The following ETS1 variants were observed in gnomAD, a reference collection of about 807,000 sequenced individuals.
ETS1 encodes ETS proto-oncogene 1, transcription factor.
Under a neutral mutation model 58.6 loss-of-function variants are expected in ETS1, and 15 were observed. The ratio of observed to expected loss-of-function variants is 0.26; its 90% confidence interval spans 0.17 to 0.39. The LOEUF is 0.39. Among genes scored for constraint, ETS1 ranks in the 10% least tolerant of loss-of-function variants. The pLI is 1.00. For synonymous variants in ETS1, 214 were observed against 218.2 expected (o/e 0.98, Z 0.17); for missense variants, 417 against 610.5 (o/e 0.68, Z 3.34).
intron 1 of ETS1, among the ~76,000 whole-genome samples, chr11:128,576,348 G>A (rs1864748467): frequency 6.6e-6 from 1 of 152,130 alleles, no homozygotes; most frequent in Non-Finnish European, 1.5e-5. Flanking sequence ...TTTTTTAGTA[G>A]CGTTTGTTTT....
intron 3 of ETS1, among the ~76,000 whole-genome samples, chr11:128,551,382 G>A (rs867029738): frequency 1.3e-5 from 2 of 152,166 alleles, no homozygotes; most frequent in Non-Finnish European, 2.9e-5. Context: ...GGCCATATGA[G>A]AAAGCCCCAG....
chr11:128,484,928 T>C lies in ETS1; in HGVS notation c.757A>G (p.Ile253Val). ...LKYENDYPSVILRDPLQTDTL... is the reference protein window; with the variant it reads ...LKYENDYPSVVLRDPLQTDTL... ...TCTGTCTGGAGAGGGTCTCGGAGAA[T>C]GACCGAGGGGTAGTCATTCTCATAC... The change falls in exon 7 of 10, where the codon ATT becomes GTT. Residue 253 changes from isoleucine to valine, a missense_variant. Around this residue, in one of 4 missense-constraint regions of ETS1, gnomAD observed 139 missense variants for 152.1 expected, o/e 0.91. Transcript: ENST00000392668. 6.2e-7 allele frequency: 1 copy of C among 1,614,092 alleles called. No homozygotes were observed. Among genetic ancestry groups the C allele is most frequent in the Non-Finnish European group, 8.5e-7 (1 of 1,179,996 alleles).
At chr11:128,508,275 G>A (rs992662701) in intron 3 of ETS1, among the ~76,000 whole-genome samples, 3 of 152,194 alleles carry the variant, frequency 2.0e-5, no homozygotes, top group Non-Finnish European at 2.9e-5. Context: ...TTGAGCTCCT[G>A]TGGCAATGAA....
intron 2 of ETS1, among the ~76,000 whole-genome samples, chr11:128,571,355 T>C (rs1320432626): frequency 6.6e-6 from 1 of 151,484 alleles, no homozygotes; most frequent in Non-Finnish European, 1.5e-5. Context: ...AGGCTGAGCT[T>C]GCAGGGAGCT....
intron 2 of ETS1, among the ~76,000 whole-genome samples, chr11:128,567,058 C>T (rs7117932): frequency 0.37 from 56,208 of 152,056 alleles, 11,129 homozygotes; most frequent in Non-Finnish European, 0.45. Flanking sequence ...AGAAAATGTA[C>T]AAAAGAGGAA....
At chr11:128,462,629 G>A in intron 9 of ETS1, 53 bp from the exon 10 acceptor site, 2 of 1,382,302 alleles carry the variant, frequency 1.4e-6, no homozygotes, top group South Asian at 1.2e-5. Flanking sequence ...CTACAAGACA[G>A]GCCAAATATA....
intron 3 of ETS1, among the ~76,000 whole-genome samples, chr11:128,518,493 G>A (rs1375788731): frequency 1.3e-5 from 2 of 152,216 alleles, no homozygotes; most frequent in East Asian, 3.8e-4. Flanking sequence ...CTATGAAGTA[G>A]AATGATTGTA....
At chr11:128,525,822 T>G (rs1471717010) in intron 3 of ETS1, among the ~76,000 whole-genome samples, 1 of 152,112 alleles carries the variant, frequency 6.6e-6, no homozygotes, top group Non-Finnish European at 1.5e-5. Context: ...TGCCTGGCAC[T>G]TCAATATCTA....
intron 1 of ETS1, among the ~76,000 whole-genome samples, chr11:128,583,559 C>T (rs997796124): frequency 3.3e-5 from 5 of 152,084 alleles, no homozygotes; most frequent in African/African-American, 7.2e-5. Context: ...AAAAGACTCA[C>T]ATGTTTTGGA....
At chr11:128,538,375 T>C (rs1864001488) in intron 3 of ETS1, among the ~76,000 whole-genome samples, 1 of 152,166 alleles carries the variant, frequency 6.6e-6, no homozygotes, top group African/African-American at 2.4e-5. Flanking sequence ...TAACTAGATT[T>C]TCAGATCTGC....
chr11:128,552,562 A>G (rs1201885125), intron 3 of ETS1, among the ~76,000 whole-genome samples: 1 of 152,240 alleles, frequency 6.6e-6, no homozygotes, highest in Non-Finnish European at 1.5e-5. Flanking sequence ...GGCTGATTTC[A>G]GACAAATCCA....
chr11:128,526,846 G>A (rs1863809967), intron 3 of ETS1: 15 of 449,596 alleles, frequency 3.3e-5, no homozygotes, highest in South Asian at 2.0e-4. Flanking sequence ...GAGCTCAATG[G>A]GAGTTTATCA....
chr11:128,478,451 GAGGGAGGAAGGAAGGA>G (rs1426745383), intron 8 of ETS1, among the ~76,000 whole-genome samples: 3 of 28,594 alleles, frequency 1.0e-4, no homozygotes, highest in East Asian at 1.9e-3. Context: ...GGGAGAGAGG[GAGGGAGGAAGGAAGGA>G]AGGAAGGAAG....
intron 3 of ETS1, among the ~76,000 whole-genome samples, chr11:128,497,172 A>G (rs1431345209): frequency 6.6e-6 from 1 of 152,188 alleles, no homozygotes; most frequent in Non-Finnish European, 1.5e-5. Flanking sequence ...TGCAGAGAAA[A>G]TCCCCAATTC....
intron 3 of ETS1, among the ~76,000 whole-genome samples, chr11:128,496,190 T>C (rs1022422596): frequency 6.6e-6 from 1 of 151,990 alleles, no homozygotes; most frequent in Admixed American, 6.5e-5. Flanking sequence ...TAAATCTAGG[T>C]CTATATTTCA....
At chr11:128,548,581 T>C (rs948200781) in intron 3 of ETS1, among the ~76,000 whole-genome samples, 3 of 152,220 alleles carry the variant, frequency 2.0e-5, no homozygotes, top group South Asian at 2.1e-4. Flanking sequence ...CTGTAACCTC[T>C]TGCAAAACTA....
In ETS1 at chr11:128,481,649, G is replaced by T. The variant is rs578030919; in HGVS notation, c.863-1198C>A. 2.2e-4 allele frequency among the ~76,000 whole-genome samples: 34 copies of T among 152,308 alleles called. No individual in the cohort carries two copies. In the East Asian group the frequency reaches 6.2e-3, roughly 28 times the overall value. On this transcript the variant is annotated intron_variant, in intron 7 of 9. Coordinates refer to ENST00000392668, the MANE Select transcript of ETS1 (RefSeq NM_001143820.2). ...TAAGTCAACTCTTAATTGTTCAGGG[G>T]TGGTTGATCTATAAATTTCAAATCC...
At chr11:128,524,533 T>C (rs1863763363) in intron 3 of ETS1, among the ~76,000 whole-genome samples, 1 of 152,230 alleles carries the variant, frequency 6.6e-6, no homozygotes, top group African/African-American at 2.4e-5. Context: ...TTTTTACATA[T>C]TTAAGATATA....
At chr11:128,569,095 T>C (rs1014811461) in intron 2 of ETS1, among the ~76,000 whole-genome samples, 3 of 152,164 alleles carry the variant, frequency 2.0e-5, no homozygotes, top group South Asian at 2.1e-4. Context: ...GGATGGATAA[T>C]TGTTTGTCAT....
Sources: gnomAD v4.1 joint callset for allele counts (sites outside exome capture counted in the v4.1 genomes callset) on GRCh38, gnomAD v4.1.1 for gene constraint, gnomAD v4.1.1 regional missense constraint, MANE v1.5 for transcripts, NCBI Gene and HGNC (gene_info 2026-07-23, HGNC 2026-07-21) for gene names.